The following PRRC2C variants were observed in gnomAD, a reference collection of about 807,000 sequenced individuals.
The protein encoded by PRRC2C is protein PRRC2C.
In PRRC2C, 72 loss-of-function variants were observed where a neutral mutation model predicts 317.2. The ratio of observed to expected loss-of-function variants is 0.23; its 90% CI spans 0.19 to 0.28. The LOEUF is 0.28. Ranked by LOEUF, PRRC2C falls within the 10% of genes least tolerant of loss-of-function variation. The pLI, the probability that PRRC2C is intolerant of heterozygous loss-of-function variation, is 1.00. For missense variants in PRRC2C, 3,074 were observed against 3,459.7 expected, an observed-to-expected ratio of 0.89 and a Z score of 2.80; for synonymous variants, 1,296 against 1,205.9, an observed-to-expected ratio of 1.07 and a Z score of -1.55.
At chr1:171,543,870 A>T (rs1207734071) in intron 16 of PRRC2C, among the ~76,000 whole-genome samples, 2 of 152,218 alleles carry the variant, frequency 1.3e-5, no homozygotes, top group African/African-American at 4.8e-5. Context: ...GACTCTGCAG[A>T]GTCCCAAGGC....
In PRRC2C at chr1:171,540,310, T is replaced by C; in HGVS notation, c.2844T>C (p.Ile948=). The part of the protein sequence containing the change: ...DEQRSEPSAG[I]PKVTSRCIDS... ...AGAGAAGTGAACCATCTGCAGGCAT[T>C]CCTAAAGTAACCAGCAGATGCATTG... The change falls in exon 16 of 35, where the codon ATT becomes ATC. Residue 948 remains isoleucine (I), a synonymous_variant. Transcript: ENST00000647382. 2 of 1,613,712 alleles carry C rather than the reference T, an allele frequency of 1.2e-6. No individual in the cohort carries two copies. The highest frequency in any genetic ancestry group is 1.7e-6 in the Non-Finnish European group (2 of 1,179,832).
At chr1:171,582,682 A>G (rs888260092) in intron 28 of PRRC2C, among the ~76,000 whole-genome samples, 4 of 152,180 alleles carry the variant, frequency 2.6e-5, no homozygotes, top group African/African-American at 9.7e-5. Context: ...GAAAAGGTAC[A>G]ATAAAAATAT....
chr1:171,591,222 G>A, intron 34 of PRRC2C: 1 of 1,012,442 alleles, frequency 9.9e-7, no homozygotes, highest in Non-Finnish European at 1.2e-6. Flanking sequence ...CACAATATAA[G>A]TGCTTCCTTT....
chr1:171,512,847 A>C, intron 2 of PRRC2C, 148 bp from the exon 3 acceptor site: 1 of 696,484 alleles, frequency 1.4e-6, no homozygotes, highest in Non-Finnish European at 2.2e-6. Flanking sequence ...GCAGGTGTGT[A>C]GCTTAGTTTT....
intron 1 of PRRC2C, among the ~76,000 whole-genome samples, chr1:171,489,111 T>C (rs10913129): frequency 0.13 from 19,676 of 152,154 alleles, 1,638 homozygotes; most frequent in South Asian, 0.36. Flanking sequence ...ACCTAGAGTT[T>C]ATATGTTATT....
At chr1:171,542,810 G>C (rs1209139217) in intron 16 of PRRC2C, among the ~76,000 whole-genome samples, 3 of 151,962 alleles carry the variant, frequency 2.0e-5, no homozygotes, top group Non-Finnish European at 4.4e-5. Flanking sequence ...ACCCAGGCTG[G>C]AGTGCAGTGG....
At chr1:171,504,737 G>A (rs1438140714) in intron 1 of PRRC2C, among the ~76,000 whole-genome samples, 3 of 152,128 alleles carry the variant, frequency 2.0e-5, no homozygotes, top group Non-Finnish European at 4.4e-5. Flanking sequence ...CGGGGTGGAG[G>A]GTAGGGGGTG....
intron 1 of PRRC2C, among the ~76,000 whole-genome samples, chr1:171,503,531 A>C (rs1280265871): frequency 6.6e-6 from 1 of 152,126 alleles, no homozygotes; most frequent in African/African-American, 2.4e-5. Flanking sequence ...CTCAAAAAAA[A>C]AAAAAGAAAC....
At chr1:171,513,709 A>T (rs866385665) in intron 3 of PRRC2C, among the ~76,000 whole-genome samples, 1 of 152,170 alleles carries the variant, frequency 6.6e-6, no homozygotes, top group Non-Finnish European at 1.5e-5. Context: ...TAGCTAATTG[A>T]ATGACCAAGC....
intron 1 of PRRC2C, among the ~76,000 whole-genome samples, chr1:171,492,039 CAG>C (rs35364529): frequency 0.13 from 19,809 of 152,106 alleles, 1,556 homozygotes; most frequent in Middle Eastern, 0.27. Context: ...ATTTTGAAAA[CAG>C]AGGACATTGA....
chr1:171,555,394 G>T (rs180919130), intron 18 of PRRC2C, among the ~76,000 whole-genome samples: 8 of 152,180 alleles, frequency 5.3e-5, no homozygotes, highest in African/African-American at 1.9e-4. Flanking sequence ...TAGTTTCCTT[G>T]TGATGGGTTT....
chr1:171,487,692 G>T (rs1374919207), intron 1 of PRRC2C, among the ~76,000 whole-genome samples: 1 of 152,024 alleles, frequency 6.6e-6, no homozygotes, highest in East Asian at 1.9e-4. Context: ...GGCTTTTATA[G>T]GAGTAAAAAA....
intron 1 of PRRC2C, among the ~76,000 whole-genome samples, chr1:171,504,570 T>C (rs1202475546): frequency 6.6e-6 from 1 of 152,224 alleles, no homozygotes; most frequent in Non-Finnish European, 1.5e-5. Context: ...TTGTCAAAAA[T>C]CAAATGCTTA....
chr1:171,528,009 G>C (rs112052143), intron 11 of PRRC2C, among the ~76,000 whole-genome samples, 165 bp downstream of exon 11: 1 of 151,912 alleles, frequency 6.6e-6, no homozygotes, highest in Non-Finnish European at 1.5e-5. Context: ...TTCATTCTCA[G>C]TTGATAAGCA....
intron 16 of PRRC2C, among the ~76,000 whole-genome samples, chr1:171,544,249 T>C (rs1411261292): frequency 6.6e-6 from 1 of 152,116 alleles, no homozygotes; most frequent in African/African-American, 2.4e-5. Flanking sequence ...TCAGCCTCTC[T>C]AGTAGCTGGG....
At chr1:171,538,232 C>T (rs1159901527) in intron 15 of PRRC2C, among the ~76,000 whole-genome samples, 2 of 152,208 alleles carry the variant, frequency 1.3e-5, no homozygotes, top group Non-Finnish European at 2.9e-5. Context: ...TGCCTTACCT[C>T]CCAAAGTGCT....
intron 28 of PRRC2C, among the ~76,000 whole-genome samples, chr1:171,582,669 A>G (rs754729708): frequency 6.6e-6 from 1 of 152,098 alleles, no homozygotes; most frequent in African/African-American, 2.4e-5. Flanking sequence ...AACAATCTAA[A>G]CAGAAAAGGT....
intron 6 of PRRC2C, among the ~76,000 whole-genome samples, chr1:171,521,605 T>TCTA (rs72514441): frequency 6.6e-6 from 1 of 150,852 alleles, no homozygotes; most frequent in East Asian, 2.0e-4. Context: ...GCTGAGTTCT[T>TCTA]CCCCACGCCT....
chr1:171,580,791 C>T (rs1648396353), intron 28 of PRRC2C, among the ~76,000 whole-genome samples: 1 of 152,204 alleles, frequency 6.6e-6, no homozygotes, highest in Admixed American at 6.5e-5. Context: ...CATCCATACT[C>T]ATGATGGTGG....
Sources: gnomAD v4.1 joint callset for allele counts (sites outside exome capture counted in the v4.1 genomes callset) on GRCh38, gnomAD v4.1.1 for gene constraint, MANE v1.5 for transcripts, NCBI Gene and HGNC (gene_info 2026-07-23, HGNC 2026-07-21) for gene names.